The following RALGPS2 variants were observed in gnomAD, a reference collection of about 807,000 sequenced individuals.
The protein encoded by RALGPS2 is ras-specific guanine nucleotide-releasing factor RalGPS2.
Under a neutral mutation model 86.8 loss-of-function variants are expected in RALGPS2, and 43 were observed. The observed-to-expected ratio is 0.50, with a 90% confidence interval of 0.39 to 0.64. The LOEUF (loss-of-function observed/expected upper bound fraction) is 0.64, where lower values mean the gene tolerates loss of function less well. Among genes scored for constraint, RALGPS2 ranks in the 30% least tolerant of loss-of-function variants. The pLI, the probability that RALGPS2 is intolerant of heterozygous loss-of-function variation, is 0.00. For synonymous variants in RALGPS2, 243 were observed against 231.3 expected (o/e 1.05, Z -0.46); for missense variants, 536 against 694.6 (o/e 0.77, Z 2.57).
chr1:178,763,256 A>G (rs996701340), intron 1 of RALGPS2, among the ~76,000 whole-genome samples: 2 of 152,170 alleles, frequency 1.3e-5, no homozygotes, highest in African/African-American at 4.8e-5. Context: ...GCCTTGTGGT[A>G]TAGTTTGAAG....
rs139043954 is a variant in RALGPS2, at chr1:178,737,515, G to T, written c.-84+12096G>T. The stretch of plus-strand genomic sequence containing the variant: ...CCTGCCTCGGCTTCCCAAAGTGCTG[G>T]GATTACAGGCATGAGCCACCGCACC... On this transcript the variant is annotated intron_variant, in intron 1 of 19. Transcript: ENST00000367635. Among the ~76,000 whole-genome samples the T allele has an allele frequency of 5.9e-3, 904 of 152,180 alleles. 15 individuals are homozygous for T. The highest frequency in any genetic ancestry group is 0.021 in the African/African-American group (876 of 41,508).
chr1:178,826,452 G>T (rs1419381261), intron 7 of RALGPS2, among the ~76,000 whole-genome samples: 1 of 152,090 alleles, frequency 6.6e-6, no homozygotes, highest in Non-Finnish European at 1.5e-5. Flanking sequence ...AGATACAAAA[G>T]AACAAATACT....
chr1:178,873,382 G>T (rs1658856251), intron 8 of RALGPS2, among the ~76,000 whole-genome samples: 1 of 151,716 alleles, frequency 6.6e-6, no homozygotes, highest in African/African-American at 2.4e-5. Context: ...TACTAATCAA[G>T]GAAATAAAAA....
chr1:178,791,771 G>A (rs538809285), intron 4 of RALGPS2, among the ~76,000 whole-genome samples: 12 of 152,148 alleles, frequency 7.9e-5, no homozygotes, highest in South Asian at 4.1e-4. Flanking sequence ...ACCTAAACTC[G>A]TTCTTGACTT....
At chr1:178,908,366 T>C (rs1025846138) in intron 19 of RALGPS2, among the ~76,000 whole-genome samples, 1 of 152,248 alleles carries the variant, frequency 6.6e-6, no homozygotes. Flanking sequence ...TTCCATGTCT[T>C]TGCTATAGTG....
At position 178,731,290 on chromosome 1, in the gene RALGPS2, T is replaced by G. The variant is rs1285843797; in HGVS notation, c.-84+5871T>G. Among the ~76,000 whole-genome samples the G allele has an allele frequency of 1.1e-3, 133 of 124,310 alleles. 1 individual carries two copies. Among genetic ancestry groups the G allele is most frequent in the Admixed American group, 3.3e-3 (41 of 12,320 alleles). The allele number at this position is 124,310 out of a possible 152,430, so 81.6% of individuals were successfully genotyped here. On this transcript the variant is annotated intron_variant, in intron 1 of 19. Coordinates refer to ENST00000367635, the MANE Select transcript of RALGPS2 (RefSeq NM_152663.5). The stretch of plus-strand genomic sequence containing the variant: ...TGTTTTGGTTTTTTTTTTTTTTTTT[T>G]TTTTTTTTTTTGAGACAGAGTCTCC...
intron 10 of RALGPS2, among the ~76,000 whole-genome samples, chr1:178,880,994 C>G (rs1659222616): frequency 1.3e-5 from 2 of 152,066 alleles, no homozygotes; most frequent in African/African-American, 4.8e-5. Flanking sequence ...GAGCTAGAAC[C>G]AGAGCAGCCC....
intron 1 of RALGPS2, among the ~76,000 whole-genome samples, chr1:178,763,640 C>G (rs749373912): frequency 6.6e-6 from 1 of 152,126 alleles, no homozygotes; most frequent in African/African-American, 2.4e-5. Context: ...TGCTTTGGCT[C>G]TCAGTTTGGA....
chr1:178,729,191 T>C (rs1055553520), intron 1 of RALGPS2, among the ~76,000 whole-genome samples: 7 of 152,344 alleles, frequency 4.6e-5, no homozygotes, highest in Admixed American at 2.6e-4. Flanking sequence ...TGATTTCCTT[T>C]TGTTGTTCTT....
chr1:178,799,588 T>C (rs756435454), intron 4 of RALGPS2, among the ~76,000 whole-genome samples: 1 of 152,138 alleles, frequency 6.6e-6, no homozygotes, highest in Non-Finnish European at 1.5e-5. Flanking sequence ...TAATAAAGCC[T>C]GGAAAATGAG....
intron 1 of RALGPS2, among the ~76,000 whole-genome samples, chr1:178,740,746 T>A (rs1337842017): frequency 6.6e-6 from 1 of 152,200 alleles, no homozygotes; most frequent in African/African-American, 2.4e-5. Flanking sequence ...CCTTTAGTAC[T>A]TCTGTGGCTC....
intron 8 of RALGPS2, among the ~76,000 whole-genome samples, chr1:178,840,180 C>T (rs929241821): frequency 7.9e-5 from 12 of 152,218 alleles, no homozygotes; most frequent in African/African-American, 2.9e-4. Flanking sequence ...CTCTCCACCC[C>T]AAATCAACAG....
intron 8 of RALGPS2, among the ~76,000 whole-genome samples, chr1:178,866,412 T>C (rs902665738): frequency 6.6e-6 from 1 of 152,174 alleles, no homozygotes; most frequent in Non-Finnish European, 1.5e-5. Context: ...CTTTTTATTT[T>C]TATAGCATCT....
intron 8 of RALGPS2, chr1:178,869,381 T>G (rs1478387526): frequency 6.6e-6 from 1 of 152,110 alleles, no homozygotes; most frequent in Non-Finnish European, 1.5e-5. Context: ...AATTTCTAGA[T>G]TGTGAAATAT....
chr1:178,800,742 G>T lies in RALGPS2; in HGVS notation c.214-7303G>T, dbSNP rs1462704127. 2.0e-5 allele frequency among the ~76,000 whole-genome samples: 3 copies of T among 152,036 alleles called. No individual in the cohort carries two copies. In the East Asian group the frequency reaches 5.8e-4, roughly 29 times the overall value. On this transcript the variant is annotated intron_variant, in intron 4 of 19. Coordinates refer to ENST00000367635, the MANE Select transcript of RALGPS2 (RefSeq NM_152663.5). ...GTTTTCAACTGTTCGGAGGGTCAGT[G>T]CCCCTAACCCCTGAGTTGTTTAAGG...
chr1:178,768,058 A>G (rs903308846), intron 1 of RALGPS2, among the ~76,000 whole-genome samples: 2 of 152,086 alleles, frequency 1.3e-5, no homozygotes, highest in African/African-American at 4.8e-5. Flanking sequence ...TCTTTTTAAG[A>G]TGTTTATCTC....
chr1:178,770,394 C>G (rs1460270518), intron 1 of RALGPS2, among the ~76,000 whole-genome samples: 1 of 152,030 alleles, frequency 6.6e-6, no homozygotes, highest in East Asian at 1.9e-4. Flanking sequence ...TCTAATCAAC[C>G]ATGTTGGGGG....
chr1:178,909,643 AT>A (rs57890269), intron 19 of RALGPS2, among the ~76,000 whole-genome samples: 18,423 of 73,136 alleles, frequency 0.25, 583 homozygotes, highest in African/African-American at 0.28. Context: ...TTCTTTTTTA[AT>A]TTTTTTTTTT....
At chr1:178,853,645 C>T (rs771905655) in intron 8 of RALGPS2, 3 of 1,611,068 alleles carry the variant, frequency 1.9e-6, no homozygotes, top group Non-Finnish European at 2.5e-6. Flanking sequence ...CTGTTCTTTT[C>T]TGAATAACAG....
Sources: gnomAD v4.1 joint callset for allele counts (sites outside exome capture counted in the v4.1 genomes callset) on GRCh38, gnomAD v4.1.1 for gene constraint, MANE v1.5 for transcripts, NCBI Gene and HGNC (gene_info 2026-07-23, HGNC 2026-07-21) for gene names.